The following POU6F2 variants were observed in gnomAD, a reference collection of about 807,000 sequenced individuals.
POU6F2 encodes POU class 6 homeobox 2.
A neutral mutation model predicts 71.3 loss-of-function variants in POU6F2; 31 were observed. That is an observed-to-expected ratio of 0.43 (90% CI 0.33 to 0.59). POU6F2 has a LOEUF of 0.59. Ranked by LOEUF, POU6F2 falls within the 20% of genes least tolerant of loss-of-function variation. The pLI is 0.04. For synonymous variants in POU6F2, 347 were observed against 355.7 expected (o/e 0.98, Z 0.27); for missense variants, 783 against 856.8 (o/e 0.91, Z 1.07).
At chr7:39,228,102 T>C (rs946409140) in intron 4 of POU6F2, among the ~76,000 whole-genome samples, 4 of 152,324 alleles carry the variant, frequency 2.6e-5, no homozygotes, top group African/African-American at 7.2e-5. Context: ...TCACAATATC[T>C]GGATTTGTGT....
chr7:39,207,569 G>A lies in POU6F2; in HGVS notation c.547G>A (p.Ala183Thr). 6.2e-7 allele frequency: 1 copy of A among 1,614,000 alleles called. No individual in the cohort carries two copies. The highest frequency in any genetic ancestry group is 8.5e-7 in the Non-Finnish European group (1 of 1,179,876). ...ANLTNIQGLVAAAAAGGIMTL... is the reference protein window; with the variant it reads ...ANLTNIQGLVTAAAAGGIMTL... ...TCTCACCAACATCCAAGGGCTGGTG[G>A]CAGCAGCTGCAGCCGGAGGCATTAT... The change falls in exon 4 of 10, where the codon GCA becomes ACA. Residue 183 changes from alanine (A) to threonine (T), a missense_variant. Transcript: ENST00000518318.
intron 2 of POU6F2, among the ~76,000 whole-genome samples, chr7:39,089,054 A>G (rs1318382184): frequency 6.6e-6 from 1 of 152,204 alleles, no homozygotes; most frequent in Non-Finnish European, 1.5e-5. Context: ...TCAGAATACC[A>G]GAAGGAGAAA....
At chr7:39,300,318 A>G (rs1348225176) in intron 4 of POU6F2, among the ~76,000 whole-genome samples, 1 of 152,226 alleles carries the variant, frequency 6.6e-6, no homozygotes, top group Non-Finnish European at 1.5e-5. Context: ...TCAAGGATGT[A>G]TCCAGATCCC....
chr7:39,259,902 T>G (rs944310804), intron 4 of POU6F2, among the ~76,000 whole-genome samples: 16 of 151,868 alleles, frequency 1.1e-4, no homozygotes, highest in African/African-American at 3.9e-4. Context: ...GCCTCCGGCC[T>G]GTGGGACACT....
At chr7:39,054,664 TA>T (rs1790470865) in intron 1 of POU6F2, among the ~76,000 whole-genome samples, 1 of 151,404 alleles carries the variant, frequency 6.6e-6, no homozygotes, top group African/African-American at 2.4e-5. Flanking sequence ...GAAGGTTGCT[TA>T]AACAGACACA....
intron 4 of POU6F2, among the ~76,000 whole-genome samples, chr7:39,262,568 C>T (rs1784157139): frequency 6.6e-6 from 1 of 152,122 alleles, no homozygotes; most frequent in African/African-American, 2.4e-5. Context: ...TTATAAATGA[C>T]TAGGGTTTTT....
In POU6F2 at chr7:39,086,747, A is replaced by C. The variant is rs567503341; in HGVS notation, c.277+716A>C. On this transcript the variant is annotated intron_variant, in intron 2 of 9. Transcript: ENST00000518318. The stretch of plus-strand genomic sequence containing the variant: ...CAAGCAGAGTGCCACTCCAGCAAAG[A>C]CATCTGTCATTCAAACAGATGACAC... Among the ~76,000 whole-genome samples, 3 of 152,252 alleles carry C rather than the reference A, an allele frequency of 2.0e-5. No individual in the cohort carries two copies. In the East Asian group the frequency reaches 5.8e-4, roughly 29 times the overall value.
chr7:39,364,359 C>T (rs1473753556), intron 5 of POU6F2, among the ~76,000 whole-genome samples: 1 of 151,658 alleles, frequency 6.6e-6, no homozygotes, highest in Non-Finnish European at 1.5e-5. Flanking sequence ...TTTGGTGCTC[C>T]CATCACCTAA....
In POU6F2 at chr7:39,372,516, C is replaced by A. The variant is rs555245894; in HGVS notation, c.972+32501C>A. On this transcript the variant is annotated intron_variant, in intron 5 of 9. Transcript: ENST00000518318. ...GAGCAGGCAGAAGAATTCTCTCTGG[C>A]TAGGGGGAAGGTCAGTCTTTTGTTC... Among the ~76,000 whole-genome samples the A allele has an allele frequency of 2.0e-5, 3 of 152,272 alleles. No homozygotes were observed. In the East Asian group the frequency reaches 5.8e-4, roughly 29 times the overall value.
rs189845057 is a variant in POU6F2, at chr7:39,368,456, C to G, written c.972+28441C>G. 8.7e-4 allele frequency among the ~76,000 whole-genome samples: 132 copies of G among 152,314 alleles called. 2 individuals carry two copies. In the East Asian group the frequency reaches 0.016, roughly 18 times the overall value. On this transcript the variant is annotated intron_variant, in intron 5 of 9. Transcript: ENST00000518318. ...GGTCCATGAGACTTAAGGAAAGAAG[C>G]CATCTCCATAATGTAAAAGTCAAGG... is the stretch of plus-strand genomic sequence containing the variant.
intron 4 of POU6F2, among the ~76,000 whole-genome samples, chr7:39,334,765 C>T (rs1785730885): frequency 6.6e-6 from 1 of 152,160 alleles, no homozygotes; most frequent in Non-Finnish European, 1.5e-5. Flanking sequence ...CAGATTCCTC[C>T]TTTTGGGATG....
chr7:39,234,297 C>G (rs1420087713), intron 4 of POU6F2, among the ~76,000 whole-genome samples: 4 of 152,108 alleles, frequency 2.6e-5, no homozygotes, highest in African/African-American at 9.7e-5. Context: ...TCAGTACTGC[C>G]TGGTTGAGCA....
At chr7:39,243,077 T>C (rs1424643153) in intron 4 of POU6F2, among the ~76,000 whole-genome samples, 1 of 152,214 alleles carries the variant, frequency 6.6e-6, no homozygotes, top group Non-Finnish European at 1.5e-5. Context: ...AGCATACCTA[T>C]TTCATAGTTC....
At chr7:39,461,399 C>T (rs1032934463) in intron 9 of POU6F2, among the ~76,000 whole-genome samples, 19 of 152,126 alleles carry the variant, frequency 1.2e-4, no homozygotes, top group African/African-American at 4.3e-4. Flanking sequence ...AAGCAGGCCC[C>T]GTGCATGCAT....
intron 2 of POU6F2, among the ~76,000 whole-genome samples, chr7:39,101,935 T>G (rs1791583590): frequency 6.6e-6 from 1 of 152,186 alleles, no homozygotes; most frequent in African/African-American, 2.4e-5. Context: ...CTCTAAGACT[T>G]TCTTTACAAC....
intron 1 of POU6F2, among the ~76,000 whole-genome samples, chr7:38,994,108 T>C (rs1483771110): frequency 6.6e-6 from 1 of 152,164 alleles, no homozygotes; most frequent in Admixed American, 6.5e-5. Context: ...TGGATAAATA[T>C]CATGTCATCT....
At chr7:39,094,993 T>A (rs1015437257) in intron 2 of POU6F2, among the ~76,000 whole-genome samples, 1 of 152,168 alleles carries the variant, frequency 6.6e-6, no homozygotes, top group African/African-American at 2.4e-5. Flanking sequence ...GAAAGGACGC[T>A]TGCTATTTGC....
At position 39,460,754 on chromosome 7, in the gene POU6F2, C is replaced by A. The variant is rs1349569316; in HGVS notation, c.1658+39C>A. ...GCATGCTGTCACCTCTTCTAGCCGC[C>A]CTGGGCCTCATTTGTCCTCGCGGTT... On this transcript the variant is annotated intron_variant, in intron 9 of 9. Transcript: ENST00000518318. This position sits in a 1 kb window ranked among gnomAD's most constrained non-coding sequence, Gnocchi z 4.4. 2 of 1,501,996 alleles carry A rather than the reference C, an allele frequency of 1.3e-6. No homozygotes were observed. Among genetic ancestry groups the A allele is most frequent in the Non-Finnish European group, 1.8e-6 (2 of 1,124,124 alleles). 93.0% of individuals were successfully genotyped at this position (1,501,996 alleles called of 1,614,324 possible). A position where few individuals can be genotyped will look rare whatever the true frequency, so the allele number is the denominator to read the frequency against.
chr7:39,130,058 C>T (rs1392183171), intron 2 of POU6F2, among the ~76,000 whole-genome samples: 1 of 124,600 alleles, frequency 8.0e-6, no homozygotes, highest in Admixed American at 8.6e-5. Flanking sequence ...CAGAGCGAGA[C>T]TCCATCTCAA....
Sources: gnomAD v4.1 joint callset for allele counts (sites outside exome capture counted in the v4.1 genomes callset) on GRCh38, gnomAD v4.1.1 for gene constraint, Gnocchi (gnomAD v3.1) non-coding constraint, MANE v1.5 for transcripts, NCBI Gene and HGNC (gene_info 2026-07-23, HGNC 2026-07-21) for gene names.